The following SUGCT variants were observed in gnomAD, a reference collection of about 807,000 sequenced individuals.
SUGCT encodes the protein succinyl-CoA:glutarate CoA-transferase.
A neutral mutation model predicts 55.0 loss-of-function variants in SUGCT; 41 were observed. The ratio of observed to expected loss-of-function variants is 0.74; its 90% confidence interval spans 0.58 to 0.97. The LOEUF is 0.97. Ranked by LOEUF, SUGCT falls within the 50% of genes least tolerant of loss-of-function variation. The pLI, the probability that SUGCT is intolerant of heterozygous loss-of-function variation, is 0.00. For missense variants in SUGCT, 568 were observed against 547.8 expected (o/e 1.04, Z -0.37); for synonymous variants, 187 against 200.4 (o/e 0.93, Z 0.56).
At chr7:40,787,032 C>G (rs575123290) in intron 13 of SUGCT, among the ~76,000 whole-genome samples, 3 of 152,300 alleles carry the variant, frequency 2.0e-5, no homozygotes, top group Admixed American at 6.5e-5. Context: ...TGTCTTGACT[C>G]TCAGTCCTCC....
intron 12 of SUGCT, among the ~76,000 whole-genome samples, chr7:40,728,364 C>G (rs568915446): frequency 2.6e-5 from 4 of 151,946 alleles, no homozygotes; most frequent in South Asian, 2.1e-4. Context: ...ACTAAAAATA[C>G]AAAAATTAGC....
intron 12 of SUGCT, among the ~76,000 whole-genome samples, chr7:40,714,876 G>A (rs571787800): frequency 4.6e-5 from 7 of 152,272 alleles, no homozygotes; most frequent in Admixed American, 6.5e-5. Context: ...TTCTCCTTCC[G>A]TGAAGGCAAT....
In SUGCT at chr7:40,676,509, T is replaced by TG. The variant is rs1446908614; in HGVS notation, c.1090-72925_1090-72924insG. 1.4e-3 allele frequency among the ~76,000 whole-genome samples: 218 copies of TG among 150,626 alleles called. 1 individual carries two copies. Among genetic ancestry groups the TG allele is most frequent in the African/African-American group, 5.2e-3 (212 of 41,028 alleles). On this transcript the variant is annotated intron_variant, in intron 12 of 13. Coordinates refer to ENST00000335693, the MANE Select transcript of SUGCT (RefSeq NM_001193313.2). ...CCCTTGCGGTTTTGTTTTTTGTTTT[T>TG]TTTTTTTTTTTGAGATGGAGCCTCA...
chr7:40,429,843 T>C (rs536491452), intron 9 of SUGCT, among the ~76,000 whole-genome samples: 46 of 152,298 alleles, frequency 3.0e-4, no homozygotes, highest in Non-Finnish European at 4.7e-4. Flanking sequence ...TCACACATAG[T>C]ACCCTCTCTT....
At chr7:40,744,801 A>G (rs142030353) in intron 12 of SUGCT, among the ~76,000 whole-genome samples, 3 of 152,346 alleles carry the variant, frequency 2.0e-5, no homozygotes, top group Non-Finnish European at 4.4e-5. Flanking sequence ...TAACCTTAAC[A>G]TCTAATTTCA....
At chr7:40,594,934 A>G (rs759293705) in intron 12 of SUGCT, among the ~76,000 whole-genome samples, 13 of 152,188 alleles carry the variant, frequency 8.5e-5, no homozygotes, top group Non-Finnish European at 1.8e-4. Context: ...CATTTCTATA[A>G]TAGTTTAGGA....
chr7:40,947,342 T>G, the SUGCT span, among the ~76,000 whole-genome samples: 2 of 152,186 alleles, frequency 1.3e-5, no homozygotes, highest in Admixed American at 6.6e-5. Flanking sequence ...GATGAGGCAT[T>G]ATTTCCTTTA....
intron 12 of SUGCT, among the ~76,000 whole-genome samples, chr7:40,594,183 G>A (rs946268438): frequency 3.3e-5 from 5 of 152,000 alleles, no homozygotes; most frequent in African/African-American, 1.2e-4. Context: ...GGTGGGGTGC[G>A]GGGAGAGGGG....
intron 12 of SUGCT, among the ~76,000 whole-genome samples, chr7:40,745,523 T>C (rs1404056170): frequency 6.6e-6 from 1 of 152,210 alleles, no homozygotes; most frequent in Non-Finnish European, 1.5e-5. Context: ...GCTGTCAATC[T>C]GTAAAACGCT....
chr7:40,683,950 G>A, intron 12 of SUGCT: 1 of 1,503,344 alleles, frequency 6.7e-7, no homozygotes, highest in Non-Finnish European at 9.0e-7. Context: ...CTTTCTGGAG[G>A]TTTTGGGGGA....
intron 12 of SUGCT, among the ~76,000 whole-genome samples, chr7:40,632,659 A>G (rs944621844): frequency 2.6e-5 from 4 of 151,926 alleles, no homozygotes; most frequent in Non-Finnish European, 4.4e-5. Context: ...ATGTAAAACC[A>G]TATTCATTCA....
At chr7:40,650,756 C>T (rs1450592042) in intron 12 of SUGCT, among the ~76,000 whole-genome samples, 1 of 152,094 alleles carries the variant, frequency 6.6e-6, no homozygotes, top group African/African-American at 2.4e-5. Context: ...GCAGGATGTG[C>T]AGGTTTGTTG....
At chr7:40,696,565 T>C (rs1784942636) in intron 12 of SUGCT, among the ~76,000 whole-genome samples, 1 of 152,216 alleles carries the variant, frequency 6.6e-6, no homozygotes, top group Non-Finnish European at 1.5e-5. Context: ...CTGCCCATCC[T>C]GTAGTCATTA....
intron 13 of SUGCT, among the ~76,000 whole-genome samples, chr7:40,808,631 A>G (rs1028273842): frequency 6.6e-6 from 1 of 152,248 alleles, no homozygotes; most frequent in African/African-American, 2.4e-5. Context: ...GTGGTAAGGA[A>G]GAACATTCCT....
At chr7:40,820,328 G>T (rs1157955161) in intron 13 of SUGCT, among the ~76,000 whole-genome samples, 60 of 151,998 alleles carry the variant, frequency 3.9e-4, no homozygotes, top group Admixed American at 3.9e-3. Flanking sequence ...TGATGGGGAT[G>T]GCACTGAATC....
At chr7:40,501,301 T>C (rs1792269354) in intron 12 of SUGCT, among the ~76,000 whole-genome samples, 1 of 152,176 alleles carries the variant, frequency 6.6e-6, no homozygotes, top group Non-Finnish European at 1.5e-5. Flanking sequence ...ATTTTTGATG[T>C]AGGTGATTAA....
chr7:40,498,267 G>A (rs1000321252), intron 12 of SUGCT, among the ~76,000 whole-genome samples: 1 of 152,152 alleles, frequency 6.6e-6, no homozygotes, highest in Admixed American at 6.5e-5. Flanking sequence ...TAACTGTGAT[G>A]ACTTAGTTCA....
At chr7:40,816,158 C>T (rs1201135787) in intron 13 of SUGCT, among the ~76,000 whole-genome samples, 1 of 152,194 alleles carries the variant, frequency 6.6e-6, no homozygotes, top group Admixed American at 6.5e-5. Context: ...GAGGTGCCTT[C>T]TACAGTTCGG....
intron 12 of SUGCT, among the ~76,000 whole-genome samples, chr7:40,553,291 T>C (rs749836020): frequency 2.6e-5 from 4 of 152,198 alleles, no homozygotes; most frequent in Non-Finnish European, 5.9e-5. Flanking sequence ...AACTAAGGGT[T>C]ATTCTTTCAG....
Sources: allele counts gnomAD v4.1 joint callset (sites outside exome capture counted in the v4.1 genomes callset), GRCh38; gene constraint gnomAD v4.1.1; transcripts MANE v1.5; gene names NCBI Gene and HGNC (gene_info 2026-07-23, HGNC 2026-07-21).